The following TTLL7 variants were observed in gnomAD, a reference collection of about 807,000 sequenced individuals.
TTLL7 encodes the protein tubulin tyrosine ligase like 7.
TTLL7 carries 53 observed loss-of-function variants against 120.2 expected under a neutral mutation model. The ratio of observed to expected loss-of-function variants is 0.44; its 90% confidence interval spans 0.35 to 0.55. The LOEUF is 0.55. TTLL7 is among the 20% of genes least tolerant of loss of function. The probability of loss-of-function intolerance (pLI) is 0.00; values close to 1 mark genes in which losing one functional copy is unlikely to be tolerated. For missense variants in TTLL7, 803 were observed against 1,054.7 expected (o/e 0.76, Z 3.31); for synonymous variants, 353 against 351.7 (o/e 1.00, Z -0.04).
intron 1 of TTLL7, among the ~76,000 whole-genome samples, chr1:83,984,652 C>T (rs559258447): frequency 1.5e-4 from 23 of 152,252 alleles, no homozygotes; most frequent in African/African-American, 5.5e-4. Flanking sequence ...GGCCATTATC[C>T]TAAGCAAATT....
At chr1:83,969,085 T>C (rs1650740555) in intron 1 of TTLL7, among the ~76,000 whole-genome samples, 1 of 151,988 alleles carries the variant, frequency 6.6e-6, no homozygotes, top group South Asian at 2.1e-4. Flanking sequence ...ATGATATTAT[T>C]AGCAATGTGT....
Position 83,952,451 on chromosome 1 carries a change from C to T in TTLL7, c.-176-64G>A. 1.0e-5 allele frequency: 4 copies of T among 393,638 alleles called. No individual in the cohort carries two copies. The South Asian group carries it at 3.1e-4, about 31-fold the overall frequency. 24.4% of individuals were successfully genotyped at this position (393,638 alleles called of 1,614,324 possible). A position where few individuals can be genotyped will look rare whatever the true frequency, so the allele number is the denominator to read the frequency against. On this transcript the variant is annotated intron_variant, in intron 1 of 20. Transcript: ENST00000260505. ...TTTTTGAATTTTTTTTCATATATGCCAAGACTATTCTTTTTAAAAGTCAAG... is the reference window on the plus strand; with the variant it reads ...TTTTTGAATTTTTTTTCATATATGCTAAGACTATTCTTTTTAAAAGTCAAG...
intron 1 of TTLL7, chr1:83,981,537 C>T (rs1651951046): frequency 6.6e-6 from 1 of 152,066 alleles, no homozygotes; most frequent in African/African-American, 2.4e-5. Context: ...GCTTAAAAAT[C>T]AACAAAGGTA....
chr1:83,933,200 C>T (rs1212954353), intron 9 of TTLL7, among the ~76,000 whole-genome samples: 2 of 151,984 alleles, frequency 1.3e-5, no homozygotes, highest in South Asian at 2.1e-4. Context: ...TGGAGCCTCT[C>T]GGAGAGTCTG....
chr1:83,875,781 G>A (rs986928427), intron 20 of TTLL7, among the ~76,000 whole-genome samples: 5 of 151,800 alleles, frequency 3.3e-5, no homozygotes, highest in African/African-American at 1.2e-4. Flanking sequence ...TTTCTATTGT[G>A]TGGTCTGCTT....
At chr1:83,906,282 T>A in intron 17 of TTLL7, 47 bp downstream of exon 17, 1 of 1,482,358 alleles carries the variant, frequency 6.7e-7, no homozygotes, top group East Asian at 2.3e-5. Flanking sequence ...TTAAGAAGAA[T>A]AAAAAGGTAC....
intron 14 of TTLL7, 130 bp from the exon 15 acceptor site, chr1:83,911,493 C>G: frequency 1.4e-6 from 1 of 705,142 alleles, no homozygotes. Flanking sequence ...CCCCCAAATA[C>G]TATTGCTGCC....
chr1:83,916,068 T>C (rs899801640), intron 14 of TTLL7, among the ~76,000 whole-genome samples: 19 of 152,162 alleles, frequency 1.2e-4, no homozygotes, highest in Admixed American at 2.6e-4. Context: ...TCAACCATTG[T>C]GGAAGTCAGT....
Position 83,903,781 on chromosome 1 carries a change from C to T in TTLL7, c.2208+298G>A, listed in dbSNP as rs543253981. Among the ~76,000 whole-genome samples, 9 of 151,904 alleles carry T rather than the reference C, an allele frequency of 5.9e-5. No homozygotes were observed. In the South Asian group the frequency reaches 6.2e-4, roughly 11 times the overall value. On this transcript the variant is annotated intron_variant, in intron 18 of 20. Coordinates refer to ENST00000260505, the MANE Select transcript of TTLL7 (RefSeq NM_024686.6). ...CCCTGGTTGGTTGCATCCATGGATG[C>T]GAAACCCACAGACATAGAAGGCTGA...
intron 1 of TTLL7, among the ~76,000 whole-genome samples, chr1:83,964,503 G>GTTTTATTTTTTATTTTAT (rs1650279523): frequency 6.6e-6 from 1 of 151,958 alleles, no homozygotes; most frequent in Non-Finnish European, 1.5e-5. Flanking sequence ...TTTAATTATT[G>GTTTTATTTTTTATTTTAT]TTTCATTATT....
chr1:83,906,428 T>G lies in TTLL7; in HGVS notation c.2028A>C (p.Gln676His). 6.2e-7 allele frequency: 1 copy of G among 1,612,244 alleles called. No homozygotes were observed. The highest frequency in any genetic ancestry group is 8.5e-7 in the Non-Finnish European group (1 of 1,178,920). The change falls in exon 17 of 21, where the codon CAA becomes CAC. Residue 676 changes from glutamine to histidine, a missense_variant. This residue lies in a region of TTLL7 where 388 missense variants were observed against 450.4 expected (regional missense o/e 0.86). Coordinates refer to ENST00000260505, the MANE Select transcript of TTLL7 (RefSeq NM_024686.6). ...ESLRQLKTKE[Q>H]EDDLTSQTLF... ...AGGTCTGACTTGTTAGATCATCTTCTTGTTCTTTTGTTTTCAGTTGCCGCA... is the reference window on the plus strand; with the variant it reads ...AGGTCTGACTTGTTAGATCATCTTCGTGTTCTTTTGTTTTCAGTTGCCGCA...
intron 1 of TTLL7, among the ~76,000 whole-genome samples, chr1:83,961,785 T>C (rs2100541304): frequency 6.6e-6 from 1 of 152,254 alleles, no homozygotes; most frequent in African/African-American, 2.4e-5. Flanking sequence ...AGCCTAAAAC[T>C]CTTATTTGCT....
At chr1:83,978,493 T>A (rs55982150) in intron 1 of TTLL7, among the ~76,000 whole-genome samples, 3,433 of 152,312 alleles carry the variant, frequency 0.023, 122 homozygotes, top group African/African-American at 0.077. Flanking sequence ...AGATTTTACA[T>A]ATTGAAAAGA....
At chr1:83,921,880 T>C (rs1658701687) in intron 10 of TTLL7, among the ~76,000 whole-genome samples, 1 of 152,196 alleles carries the variant, frequency 6.6e-6, no homozygotes, top group South Asian at 2.1e-4. Flanking sequence ...TACATTTTCA[T>C]TTCTGACCGA....
chr1:83,939,801 A>G (rs1647766584), intron 7 of TTLL7, among the ~76,000 whole-genome samples: 1 of 152,196 alleles, frequency 6.6e-6, no homozygotes. Context: ...ATACAGCTCA[A>G]TATAAAATAC....
chr1:83,903,483 T>A (rs926196473), intron 18 of TTLL7, among the ~76,000 whole-genome samples: 3 of 151,998 alleles, frequency 2.0e-5, no homozygotes, highest in African/African-American at 7.2e-5. Context: ...AGGACTGGCG[T>A]CAGGACCCCC....
intron 15 of TTLL7, among the ~76,000 whole-genome samples, chr1:83,908,901 G>A (rs1374368257): frequency 1.3e-5 from 2 of 151,572 alleles, no homozygotes; most frequent in African/African-American, 4.8e-5. Flanking sequence ...GTACAAAAAG[G>A]TATACTTATT....
chr1:83,991,312 T>C (rs1652980531), intron 1 of TTLL7, among the ~76,000 whole-genome samples: 1 of 152,170 alleles, frequency 6.6e-6, no homozygotes, highest in Non-Finnish European at 1.5e-5. Context: ...ACCTCTGCAC[T>C]GTACATTTAA....
intron 12 of TTLL7, among the ~76,000 whole-genome samples, 196 bp from the exon 13 acceptor site, chr1:83,920,030 T>C (rs959174846): frequency 1.3e-5 from 2 of 152,184 alleles, no homozygotes; most frequent in Non-Finnish European, 2.9e-5. Context: ...ACTGGCCTAA[T>C]AGATTCACTT....
Sources: allele counts gnomAD v4.1 joint callset (sites outside exome capture counted in the v4.1 genomes callset), GRCh38; gene constraint gnomAD v4.1.1; regional missense constraint gnomAD v4.1.1; transcripts MANE v1.5; gene names NCBI Gene and HGNC (gene_info 2026-07-23, HGNC 2026-07-21).